Variants in ODR4 observed in about 807,000 individuals in gnomAD.
ODR4 encodes the protein protein odr-4 homolog.
A neutral mutation model predicts 60.2 loss-of-function variants in ODR4; 47 were observed. That is an observed-to-expected ratio of 0.78 (90% CI 0.62 to 1.00). The LOEUF is 1.00. ODR4 is among the 50% of genes least tolerant of loss of function. The pLI, the probability that ODR4 is intolerant of heterozygous loss-of-function variation, is 0.00. For synonymous variants in ODR4, 178 were observed against 175.5 expected, an observed-to-expected ratio of 1.01 and a Z score of -0.11; for missense variants, 488 against 530.8, an observed-to-expected ratio of 0.92 and a Z score of 0.79.
downstream of ODR4, among the ~76,000 whole-genome samples, chr1:186,426,072 C>T (rs1311287085): frequency 6.6e-6 from 1 of 152,172 alleles, no homozygotes; most frequent in East Asian, 1.9e-4. Context: ...ATTAGTTCTA[C>T]CTTTCACGTT....
At position 186,419,197 on chromosome 1, in the gene ODR4, C is replaced by T; in HGVS notation, c.*121C>T. 1.2e-6 allele frequency: 1 copy of T among 854,182 alleles called. No homozygotes were observed. The highest frequency in any genetic ancestry group is 2.3e-4 in the Middle Eastern group (1 of 4,364). 52.9% of individuals were successfully genotyped at this position (854,182 alleles called of 1,614,324 possible). On this transcript the variant is annotated 3_prime_UTR_variant, in exon 14 of 14. Coordinates refer to ENST00000287859, the MANE Select transcript of ODR4 (RefSeq NM_017847.6). ...AGCAGCCAGATCTGCTGCCATGATG[C>T]CTATTTGGTGTGTTTCTGATTAAAA...
At position 186,379,676 on chromosome 1, in the gene ODR4, G is replaced by GT. The variant is rs977465992; in HGVS notation, c.-19-90dup. On this transcript the variant is annotated intron_variant, in intron 1 of 13. Coordinates refer to ENST00000287859, the MANE Select transcript of ODR4 (RefSeq NM_017847.6). ...CAAGGCATGAGATAGCCTCAGGATA[G>GT]TATCACTTCTCTTGCTAAACTACTC... is the stretch of plus-strand genomic sequence containing the variant. 2.2e-5 allele frequency: 15 copies of GT among 672,774 alleles called. No homozygotes were observed. The African/African-American group carries it at 2.6e-4, about 11-fold the overall frequency. 41.7% of individuals were successfully genotyped at this position (672,774 alleles called of 1,614,324 possible). A position where few individuals can be genotyped will look rare whatever the true frequency, so the allele number is the denominator to read the frequency against.
At chr1:186,401,863 C>T (rs11811320) in intron 11 of ODR4, among the ~76,000 whole-genome samples, 13,598 of 152,058 alleles carry the variant, frequency 0.089, 955 homozygotes, top group East Asian at 0.38. Flanking sequence ...ATGCTGATCT[C>T]ATAGAATGAG....
At chr1:186,409,569 G>A (rs1262508223) in intron 12 of ODR4, among the ~76,000 whole-genome samples, 3 of 152,016 alleles carry the variant, frequency 2.0e-5, no homozygotes, top group Non-Finnish European at 2.9e-5. Flanking sequence ...TTTTTGAGAC[G>A]GAGTCTCGCT....
intron 9 of ODR4, 38 bp downstream of exon 9, chr1:186,394,053 C>G: frequency 9.1e-7 from 1 of 1,094,050 alleles, no homozygotes; most frequent in South Asian, 1.5e-5. Context: ...TATTTATTAG[C>G]ATAACCATAA....
downstream of ODR4, among the ~76,000 whole-genome samples, chr1:186,421,669 G>C (rs530007820): frequency 2.0e-5 from 3 of 152,142 alleles, no homozygotes; most frequent in East Asian, 5.8e-4. Context: ...TTCCAGACCA[G>C]CCTGGCCAAC....
At chr1:186,431,325 A>C in the ODR4 span, among the ~76,000 whole-genome samples, 4 of 152,220 alleles carry the variant, frequency 2.6e-5, no homozygotes, top group African/African-American at 9.6e-5. Context: ...TGGAATTGCC[A>C]GAGAGTGGTA....
intron 11 of ODR4, among the ~76,000 whole-genome samples, chr1:186,405,339 G>A (rs1234718752): frequency 1.3e-5 from 2 of 152,232 alleles, no homozygotes; most frequent in African/African-American, 2.4e-5. Context: ...TGCACTAGAT[G>A]TAAGGTGGCC....
intron 8 of ODR4, among the ~76,000 whole-genome samples, chr1:186,393,112 A>G (rs1404432387): frequency 6.6e-6 from 1 of 152,206 alleles, no homozygotes; most frequent in East Asian, 1.9e-4. Flanking sequence ...ACATGGACAC[A>G]TAGAGGGGAA....
At chr1:186,376,988 A>G (rs1659800520) in intron 1 of ODR4, among the ~76,000 whole-genome samples, 1 of 152,184 alleles carries the variant, frequency 6.6e-6, no homozygotes, top group Admixed American at 6.5e-5. Flanking sequence ...CCTATAAGGC[A>G]AAATACAGTT....
intron 4 of ODR4, among the ~76,000 whole-genome samples, chr1:186,387,925 T>A (rs1012956334): frequency 2.0e-5 from 3 of 152,224 alleles, no homozygotes; most frequent in Non-Finnish European, 4.4e-5. Context: ...TGTTATATAT[T>A]GCCTTAAGTC....
intron 1 of ODR4, among the ~76,000 whole-genome samples, chr1:186,378,436 ATCAT>A (rs1368459522): frequency 6.6e-6 from 1 of 152,202 alleles, no homozygotes; most frequent in Non-Finnish European, 1.5e-5. Context: ...CCTTGATTTA[ATCAT>A]TCATTATATT....
intron 11 of ODR4, among the ~76,000 whole-genome samples, chr1:186,405,022 T>A (rs1661120047): frequency 6.6e-6 from 1 of 152,330 alleles, no homozygotes; most frequent in Non-Finnish European, 1.5e-5. Context: ...AATAATATAT[T>A]CCAGTTTGTA....
intron 6 of ODR4, among the ~76,000 whole-genome samples, chr1:186,390,066 A>G (rs1489250117): frequency 6.6e-6 from 1 of 151,980 alleles, no homozygotes; most frequent in East Asian, 1.9e-4. Context: ...TTCGCCTCCC[A>G]AAGTGCTGAG....
intron 9 of ODR4, among the ~76,000 whole-genome samples, chr1:186,394,438 A>G (rs1272620305): frequency 2.6e-5 from 4 of 152,164 alleles, no homozygotes; most frequent in Non-Finnish European, 4.4e-5. Flanking sequence ...AAAATCACAA[A>G]GTATTAATTA....
At chr1:186,381,710 GC>G (rs1384375687) in intron 2 of ODR4, among the ~76,000 whole-genome samples, 4 of 152,128 alleles carry the variant, frequency 2.6e-5, no homozygotes, top group Non-Finnish European at 4.4e-5. Flanking sequence ...TATTCTACGT[GC>G]TTTTTCTTCC....
Position 186,390,749 on chromosome 1 carries a change from A to G in ODR4, c.513A>G (p.Gly171=). ...ARPADWKYQS[G]LSSSWLSLEC... The stretch of plus-strand genomic sequence containing the variant: ...CAGCAGATTGGAAGTATCAAAGTGG[A>G]TTATCATCCTCATGGCTTTCTTTAG... Residue 171 remains glycine (G), a synonymous_variant, in exon 7 of 14, where the codon GGA becomes GGG. Transcript: ENST00000287859. 1 of 1,613,456 alleles carries G rather than the reference A, an allele frequency of 6.2e-7. No individual in the cohort carries two copies. Among genetic ancestry groups the G allele is most frequent in the Non-Finnish European group, 8.5e-7 (1 of 1,179,588 alleles).
At chr1:186,422,500 A>G (rs1661810686), downstream of ODR4, among the ~76,000 whole-genome samples, 1 of 152,310 alleles carries the variant, frequency 6.6e-6, no homozygotes, top group African/African-American at 2.4e-5. Context: ...TTTCTTAAGC[A>G]TTGTATATTA....
chr1:186,426,571 C>T, the ODR4 span, among the ~76,000 whole-genome samples: 1 of 152,148 alleles, frequency 6.6e-6, no homozygotes, highest in African/African-American at 2.4e-5. Flanking sequence ...GCCTGGTCTT[C>T]TCAGAAGTTC....
Sources: gnomAD v4.1 joint callset for allele counts (sites outside exome capture counted in the v4.1 genomes callset) on GRCh38, gnomAD v4.1.1 for gene constraint, MANE v1.5 for transcripts, NCBI Gene and HGNC (gene_info 2026-07-23, HGNC 2026-07-21) for gene names.